Variants in TRAK1 observed in about 807,000 individuals in gnomAD.
TRAK1 encodes trafficking kinesin-binding protein 1.
Under a neutral mutation model 92.1 loss-of-function variants are expected in TRAK1, and 33 were observed. That is an observed-to-expected ratio of 0.36 (90% confidence interval 0.27 to 0.48). The LOEUF (loss-of-function observed/expected upper bound fraction) is 0.48. Among genes scored for constraint, TRAK1 ranks in the 20% least tolerant of loss-of-function variants. The probability of loss-of-function intolerance (pLI) is 0.99; values close to 1 mark genes in which losing one functional copy is unlikely to be tolerated. For synonymous variants in TRAK1, 521 were observed against 517.3 expected, an observed-to-expected ratio of 1.01 and a Z score of -0.10; for missense variants, 1,123 against 1,257.9, an observed-to-expected ratio of 0.89 and a Z score of 1.62.
intron 3 of TRAK1, among the ~76,000 whole-genome samples, chr3:42,183,707 G>A (rs4682937): frequency 2.6e-5 from 4 of 151,904 alleles, no homozygotes; most frequent in Non-Finnish European, 4.4e-5. Context: ...TACCCCAAAC[G>A]ACATGTTTCC....
chr3:42,171,964 C>T (rs993806204), intron 2 of TRAK1, among the ~76,000 whole-genome samples: 1 of 152,198 alleles, frequency 6.6e-6, no homozygotes, highest in East Asian at 1.9e-4. Context: ...CACTCCACCT[C>T]CATCCCCCCT....
At chr3:42,143,760 G>A (rs9311299) in intron 2 of TRAK1, among the ~76,000 whole-genome samples, 19,681 of 152,100 alleles carry the variant, frequency 0.13, 1,883 homozygotes, top group African/African-American at 0.25. Context: ...TGGGCCGAGG[G>A]AGGGCTGTAA....
chr3:42,214,792 C>T (rs1436369978), intron 14 of TRAK1, among the ~76,000 whole-genome samples: 1 of 152,186 alleles, frequency 6.6e-6, no homozygotes, highest in African/African-American at 2.4e-5. Context: ...AGCTCAGGGA[C>T]CTCTACGGAG....
chr3:42,040,865 G>T (rs1702513406), intron 1 of TRAK1, among the ~76,000 whole-genome samples: 1 of 152,034 alleles, frequency 6.6e-6, no homozygotes, highest in Admixed American at 6.5e-5. Context: ...TTTTAGTAGA[G>T]ACGGGGTTTC....
intron 2 of TRAK1, among the ~76,000 whole-genome samples, chr3:42,130,801 C>T (rs1697093459): frequency 6.6e-6 from 1 of 152,098 alleles, no homozygotes; most frequent in Non-Finnish European, 1.5e-5. Flanking sequence ...ACAACAACAA[C>T]AAAGACCTTT....
chr3:42,192,525 A>ATTTTGCATTTCGTCAAAGTACTG (rs1559906449), intron 7 of TRAK1, among the ~76,000 whole-genome samples: 130 of 134,368 alleles, frequency 9.7e-4, no homozygotes, highest in African/African-American at 3.1e-3. Context: ...TCAAAGTACT[A>ATTTTGCATTTCGTCAAAGTACTG]AGTATTTTGC....
chr3:42,080,844 G>C (rs1045031670), intron 1 of TRAK1, among the ~76,000 whole-genome samples: 4 of 152,102 alleles, frequency 2.6e-5, no homozygotes, highest in African/African-American at 9.7e-5. Flanking sequence ...TCCTTGAATT[G>C]TATCTGGGTC....
intron 1 of TRAK1, among the ~76,000 whole-genome samples, chr3:42,026,157 A>G (rs1268655950): frequency 1.3e-5 from 2 of 151,440 alleles, no homozygotes; most frequent in Non-Finnish European, 2.9e-5. Flanking sequence ...GGCCCTTTTT[A>G]TTTAATCCTT....
At chr3:42,133,480 G>T (rs1398474233) in intron 2 of TRAK1, among the ~76,000 whole-genome samples, 1 of 152,162 alleles carries the variant, frequency 6.6e-6, no homozygotes, top group Non-Finnish European at 1.5e-5. Context: ...TCAGCCTTCT[G>T]AGTAGGCTGG....
intron 1 of TRAK1, among the ~76,000 whole-genome samples, chr3:42,026,981 G>T (rs748868440): frequency 1.3e-5 from 2 of 151,978 alleles, no homozygotes; most frequent in Non-Finnish European, 2.9e-5. Context: ...CAGGAAATGG[G>T]CTCTTATGTG....
At chr3:42,166,429 G>A (rs1008193576) in intron 2 of TRAK1, among the ~76,000 whole-genome samples, 9 of 152,158 alleles carry the variant, frequency 5.9e-5, no homozygotes, top group Non-Finnish European at 1.3e-4. Flanking sequence ...GGGTGTTCCA[G>A]TCTGGGGCAG....
At chr3:42,188,379 T>C (rs1295795724) in intron 5 of TRAK1, among the ~76,000 whole-genome samples, 1 of 152,248 alleles carries the variant, frequency 6.6e-6, no homozygotes, top group Non-Finnish European at 1.5e-5. Flanking sequence ...TGCTTATTTG[T>C]CAATTTAGAT....
At chr3:42,029,809 A>G (rs1237041382) in intron 1 of TRAK1, among the ~76,000 whole-genome samples, 1 of 152,176 alleles carries the variant, frequency 6.6e-6, no homozygotes, top group Admixed American at 6.5e-5. Flanking sequence ...TCAGCCTCCC[A>G]AAGTGCTGTG....
intron 1 of TRAK1, among the ~76,000 whole-genome samples, chr3:42,024,301 A>C (rs924900387): frequency 1.9e-4 from 29 of 152,318 alleles, no homozygotes; most frequent in African/African-American, 7.0e-4. Flanking sequence ...AGGCCAAGTG[A>C]GATAGAAGCT....
chr3:42,092,711 G>GTGTTGTGTTGTGTTA lies in TRAK1; in HGVS notation c.91+1155_91+1156insGTGTTGTGTTATGTT, dbSNP rs1400587515. Among the ~76,000 whole-genome samples the GTGTTGTGTTGTGTTA allele has an allele frequency of 4.7e-3, 477 of 101,072 alleles. 7 individuals carry two copies. The highest frequency in any genetic ancestry group is 5.5e-3 in the Non-Finnish European group (243 of 44,316). 66.3% of individuals were successfully genotyped at this position (101,072 alleles called of 152,430 possible). Reference sequence around the variant, plus strand: ...GTGTTGTGTTGTGTTGTGTTGTGTTGTGTTATGTTATGTTATGTTATGTTA... The same window carrying GTGTTGTGTTGTGTTA: ...GTGTTGTGTTGTGTTGTGTTGTGTTGTGTTGTGTTGTGTTATGTTATGTTATGTTATGTTATGTTA... On this transcript the variant is annotated intron_variant, in intron 1 of 15. Coordinates refer to ENST00000327628, the MANE Select transcript of TRAK1 (RefSeq NM_001042646.3).
chr3:42,071,666 C>G lies in TRAK1; in HGVS notation c.-518-15438C>G, dbSNP rs546703906. Among the ~76,000 whole-genome samples, 269 of 151,106 alleles carry G rather than the reference C, an allele frequency of 1.8e-3. 1 individual carries two copies. Among genetic ancestry groups the G allele is most frequent in the Middle Eastern group, 3.4e-3 (1 of 292 alleles). On this transcript the variant is annotated intron_variant, in intron 1 of 16. Coordinates refer to the TRAK1 transcript ENST00000487159. ...GAGGTTGCAGTGAGCTGAGATCGCACTATTGCACTCTAGTCTGGATGACAA... is the reference window on the plus strand; with the variant it reads ...GAGGTTGCAGTGAGCTGAGATCGCAGTATTGCACTCTAGTCTGGATGACAA...
rs548919838 is a variant in TRAK1 at position 42,172,506 on chromosome 3, C to T, written c.287-4308C>T. On this transcript the variant is annotated intron_variant, in intron 2 of 15. Transcript: ENST00000327628. ...GCTTGTCAATCTAAATTGCCTTGCA[C>T]CCCCTCCCCCATTGCTGCACACTGG... Among the ~76,000 whole-genome samples, 51 of 152,332 alleles carry T rather than the reference C, an allele frequency of 3.3e-4. No homozygotes were observed. In the South Asian group the frequency reaches 0.01, roughly 30 times the overall value.
intron 1 of TRAK1, among the ~76,000 whole-genome samples, chr3:42,103,682 G>A (rs2149030814): frequency 6.6e-6 from 1 of 152,262 alleles, no homozygotes; most frequent in African/African-American, 2.4e-5. Flanking sequence ...GATCACTTGA[G>A]CTCAAGAGTT....
chr3:42,062,501 A>C (rs943710699), intron 1 of TRAK1, among the ~76,000 whole-genome samples: 3 of 152,236 alleles, frequency 2.0e-5, no homozygotes, highest in Admixed American at 6.5e-5. Context: ...TAAATACAGC[A>C]TGACTATACT....
Sources: allele counts gnomAD v4.1 joint callset (sites outside exome capture counted in the v4.1 genomes callset), GRCh38; gene constraint gnomAD v4.1.1; transcripts MANE v1.5; gene names NCBI Gene and HGNC (gene_info 2026-07-23, HGNC 2026-07-21).